The following EMC3 variants were observed in gnomAD, a reference collection of about 807,000 sequenced individuals.
The protein encoded by EMC3 is ER membrane protein complex subunit 3.
In EMC3, 13 loss-of-function variants were observed where a neutral mutation model predicts 36.6. That is an observed-to-expected ratio of 0.35 (90% CI 0.23 to 0.56). The LOEUF (loss-of-function observed/expected upper bound fraction) is 0.56, where lower values mean the gene tolerates loss of function less well. Among genes scored for constraint, EMC3 ranks in the 20% least tolerant of loss-of-function variants. EMC3 has a pLI of 0.84. For missense variants in EMC3, 220 were observed against 324.5 expected (o/e 0.68, Z 2.47); for synonymous variants, 120 against 111.9 (o/e 1.07, Z -0.46).
chr3:9,998,567 C>T (rs1559358435), intron 1 of EMC3, among the ~76,000 whole-genome samples: 1 of 151,660 alleles, frequency 6.6e-6, no homozygotes, highest in Admixed American at 6.6e-5. Flanking sequence ...GTACCTGGGT[C>T]TACAGGTACC....
intron 1 of EMC3, among the ~76,000 whole-genome samples, chr3:9,980,540 GT>G (rs1303236132): frequency 6.9e-6 from 1 of 144,622 alleles, no homozygotes; most frequent in Non-Finnish European, 1.5e-5. Flanking sequence ...AAACTTTTGT[GT>G]TTTGTTTTTT....
At chr3:9,995,713 G>T (rs543137564) in intron 1 of EMC3, among the ~76,000 whole-genome samples, 19 of 151,894 alleles carry the variant, frequency 1.3e-4, no homozygotes, top group Non-Finnish European at 2.6e-4. Flanking sequence ...TCTCAGTTCA[G>T]TGCAACCTCT....
chr3:10,008,571 A>C (rs752808370), intron 1 of EMC3: 9 of 807,166 alleles, frequency 1.1e-5, no homozygotes, highest in Non-Finnish European at 1.5e-5. Flanking sequence ...GCAGGGTCAG[A>C]TAGTGGGGGG....
At chr3:9,975,527 T>C (rs567384334) in intron 3 of EMC3, among the ~76,000 whole-genome samples, 1 of 151,100 alleles carries the variant, frequency 6.6e-6, no homozygotes, top group Admixed American at 6.6e-5. Context: ...AAAAGAGATA[T>C]CTTGGCCAGG....
intron 5 of EMC3, 186 bp downstream of exon 5, chr3:9,973,442 C>T: frequency 1.7e-6 from 1 of 579,686 alleles, no homozygotes; most frequent in South Asian, 2.0e-5. Context: ...CATCTGCCCA[C>T]CTCGGCCTCC....
At chr3:9,997,249 G>A (rs918337038) in intron 1 of EMC3, among the ~76,000 whole-genome samples, 13 of 96,682 alleles carry the variant, frequency 1.3e-4, no homozygotes, top group Non-Finnish European at 2.9e-4. Context: ...TTTTTTTTTT[G>A]TTAGTAGAGA....
chr3:9,988,018 C>A, upstream of EMC3: 1 of 815,660 alleles, frequency 1.2e-6, no homozygotes, highest in Non-Finnish European at 2.1e-6. Flanking sequence ...GTAAAGAGCT[C>A]ATGGATAATT....
chr3:10,003,509 C>G (rs779733229), intron 1 of EMC3: 7 of 327,892 alleles, frequency 2.1e-5, no homozygotes, highest in Non-Finnish European at 4.2e-5. Flanking sequence ...AGGGATCAGC[C>G]TCCACCACAC....
rs1313683312 is a variant in EMC3 at position 9,970,619 on chromosome 3, A to C, written c.537T>G (p.Leu179=). The change falls in exon 6 of 8, where the codon CTT becomes CTG. Residue 179 remains leucine (L), a synonymous_variant. Transcript: ENST00000245046. ...CCAGAATCAGAGAGTAAATGCTCCG[A>C]AGCCCAAATACATTGAGGAAGTACC... The part of the protein sequence containing the change: ...ASWYFLNVFG[L]RSIYSLILGQ... 1.2e-6 allele frequency: 2 copies of C among 1,614,208 alleles called. No homozygotes were observed.
intron 1 of EMC3, 103 bp from the exon 2 acceptor site, chr3:9,977,549 T>C (rs2085863077): frequency 1.0e-6 from 1 of 972,592 alleles, no homozygotes; most frequent in South Asian, 1.6e-5. Context: ...GAGGGCCTAT[T>C]TGGCAACAGC....
In EMC3 at chr3:9,964,738, C is replaced by T. The variant is rs370388477; in HGVS notation, c.658-541G>A. Among the ~76,000 whole-genome samples the T allele has an allele frequency of 2.0e-5, 3 of 152,148 alleles. No homozygotes were observed. The South Asian group carries it at 6.2e-4, about 32-fold the overall frequency. The stretch of plus-strand genomic sequence containing the variant: ...CCAGACACACAATGGCACTTCATTA[C>T]AGTTTGTGGGAGTCCAGTAATTTTT... On this transcript the variant is annotated intron_variant, in intron 7 of 7. Transcript: ENST00000245046.
chr3:9,988,284 GTACATGGC>G, upstream of EMC3: 1 of 681,968 alleles, frequency 1.5e-6, no homozygotes, highest in Admixed American at 2.1e-5. Context: ...TTACTCCAGG[GTACATGGC>G]TACTAAGCAG....
intron 6 of EMC3, 97 bp from the exon 7 acceptor site, chr3:9,969,898 C>T (rs1330812532): frequency 6.6e-7 from 1 of 1,515,182 alleles, no homozygotes; most frequent in African/African-American, 1.4e-5. Flanking sequence ...GAGAACTGGA[C>T]TACAGCCTCA....
chr3:9,987,105 T>C, upstream of EMC3: 2 of 822,208 alleles, frequency 2.4e-6, no homozygotes. Context: ...TCGCAGCTAC[T>C]CGGGAGGCTG....
At chr3:9,993,884 G>A (rs955810712) in intron 1 of EMC3, among the ~76,000 whole-genome samples, 9 of 152,226 alleles carry the variant, frequency 5.9e-5, no homozygotes, top group African/African-American at 1.9e-4. Flanking sequence ...TGAGGAAACC[G>A]GGATTTAGAA....
At chr3:10,002,325 C>T (rs1240071536) in intron 1 of EMC3, among the ~76,000 whole-genome samples, 2 of 103,350 alleles carry the variant, frequency 1.9e-5, no homozygotes, top group Non-Finnish European at 4.1e-5. Flanking sequence ...GTCTGGCTCT[C>T]TAACACAGGC....
rs1169888684 is a variant in EMC3, at chr3:9,964,635, G to A, written c.658-438C>T. On this transcript the variant is annotated intron_variant, in intron 7 of 7. Transcript: ENST00000245046. ...GGACTTGCCATCTGGTTTAAATGGT[G>A]CATGGTCCACAATGCTTTGACATAA... Among the ~76,000 whole-genome samples, 3 of 152,304 alleles carry A rather than the reference G, an allele frequency of 2.0e-5. No individual in the cohort carries two copies. In the East Asian group the frequency reaches 5.8e-4, roughly 29 times the overall value.
At chr3:9,975,920 T>C (rs565117696) in intron 3 of EMC3, among the ~76,000 whole-genome samples, 1 of 152,090 alleles carries the variant, frequency 6.6e-6, no homozygotes, top group Non-Finnish European at 1.5e-5. Flanking sequence ...TTGTTTCTTG[T>C]AAATTTTCTT....
chr3:9,974,334 G>C (rs1382184934), intron 4 of EMC3, 50 bp downstream of exon 4: 3 of 1,246,908 alleles, frequency 2.4e-6, no homozygotes, highest in African/African-American at 3.0e-5. Context: ...TGTCTCACTA[G>C]CACTTGAATT....
Sources: allele counts gnomAD v4.1 joint callset (sites outside exome capture counted in the v4.1 genomes callset), GRCh38; gene constraint gnomAD v4.1.1; transcripts MANE v1.5; gene names NCBI Gene and HGNC (gene_info 2026-07-23, HGNC 2026-07-21).